Variants in STX8 observed in about 807,000 individuals in gnomAD.
STX8 encodes the protein syntaxin-8.
Under a neutral mutation model 37.5 loss-of-function variants are expected in STX8, and 23 were observed. The ratio of observed to expected loss-of-function variants is 0.61; its 90% CI spans 0.44 to 0.87. STX8 has a LOEUF of 0.87. Ranked by LOEUF, STX8 falls within the 40% of genes least tolerant of loss-of-function variation. STX8 has a pLI of 0.00. For missense variants in STX8, 313 were observed against 284.7 expected (o/e 1.10, Z -0.71); for synonymous variants, 115 against 99.1 (o/e 1.16, Z -0.95).
At chr17:9,297,931 G>A (rs748088471) in intron 7 of STX8, among the ~76,000 whole-genome samples, 11 of 152,110 alleles carry the variant, frequency 7.2e-5, no homozygotes, top group Middle Eastern at 3.2e-3. Flanking sequence ...TATCTTAAGC[G>A]GTGTTCCTAT....
intron 7 of STX8, among the ~76,000 whole-genome samples, chr17:9,282,893 T>C (rs948385919): frequency 7.6e-6 from 1 of 131,776 alleles, no homozygotes; most frequent in Non-Finnish European, 1.6e-5. Context: ...AGTCACTTTA[T>C]GGAGATGAAT....
chr17:9,258,622 C>G (rs1906889303), intron 7 of STX8, among the ~76,000 whole-genome samples: 1 of 152,242 alleles, frequency 6.6e-6, no homozygotes, highest in Non-Finnish European at 1.5e-5. Flanking sequence ...CCCCACAGTT[C>G]TACATTTTAA....
At chr17:9,268,844 C>T (rs377539414) in intron 7 of STX8, among the ~76,000 whole-genome samples, 7 of 152,072 alleles carry the variant, frequency 4.6e-5, no homozygotes, top group South Asian at 2.1e-4. Context: ...ACATGGTTGG[C>T]GTAAAAGCTG....
At chr17:9,321,180 G>A (rs1249253133) in intron 7 of STX8, among the ~76,000 whole-genome samples, 5 of 152,130 alleles carry the variant, frequency 3.3e-5, no homozygotes, top group African/African-American at 4.8e-5. Context: ...TATGTAGAGC[G>A]TATGAATGAA....
intron 4 of STX8, among the ~76,000 whole-genome samples, chr17:9,542,228 C>A (rs1490906498): frequency 6.6e-6 from 1 of 151,864 alleles, no homozygotes; most frequent in South Asian, 2.1e-4. Flanking sequence ...CGTGGTAGTG[C>A]GTGCCTGTGA....
intron 5 of STX8, among the ~76,000 whole-genome samples, chr17:9,494,591 G>A (rs914361590): frequency 1.5e-5 from 2 of 134,684 alleles, no homozygotes; most frequent in African/African-American, 5.7e-5. Flanking sequence ...ACTCCAGCCT[G>A]GGTAACAGAG....
chr17:9,432,501 G>GA (rs35936791), intron 6 of STX8, among the ~76,000 whole-genome samples: 6 of 149,714 alleles, frequency 4.0e-5, no homozygotes, highest in Admixed American at 2.0e-4. Context: ...TAAATCGGAA[G>GA]AAAAAAAAAA....
intron 7 of STX8, among the ~76,000 whole-genome samples, chr17:9,260,216 G>A (rs1297044587): frequency 6.6e-6 from 1 of 152,108 alleles, no homozygotes; most frequent in Non-Finnish European, 1.5e-5. Context: ...CCAGCTACTC[G>A]GGAGGCTGTG....
intron 6 of STX8, among the ~76,000 whole-genome samples, chr17:9,425,685 T>C (rs1038085127): frequency 1.3e-5 from 2 of 152,208 alleles, no homozygotes; most frequent in Non-Finnish European, 2.9e-5. Flanking sequence ...TGCAAAATAA[T>C]TGCGGTACAG....
At chr17:9,518,296 T>TA (rs1905215621) in intron 4 of STX8, among the ~76,000 whole-genome samples, 1 of 141,960 alleles carries the variant, frequency 7.0e-6, no homozygotes, top group Non-Finnish European at 1.5e-5. Flanking sequence ...TCCCAGGTCT[T>TA]ACCAGACCCC....
chr17:9,378,892 A>C (rs1911694435), intron 6 of STX8, among the ~76,000 whole-genome samples: 1 of 152,176 alleles, frequency 6.6e-6, no homozygotes, highest in Non-Finnish European at 1.5e-5. Context: ...TGCCACATTC[A>C]GAGGAAAGAA....
chr17:9,449,008 A>G (rs9902579), intron 6 of STX8, among the ~76,000 whole-genome samples: 40,121 of 152,064 alleles, frequency 0.26, 6,884 homozygotes, highest in East Asian at 0.71. Flanking sequence ...CCAAGTGCTG[A>G]CAAGAATAAG....
At chr17:9,251,382 T>C (rs1906571166) in intron 7 of STX8, among the ~76,000 whole-genome samples, 1 of 152,332 alleles carries the variant, frequency 6.6e-6, no homozygotes, top group African/African-American at 2.4e-5. Flanking sequence ...CTGTCTCCCA[T>C]GTTCGCTTGC....
At chr17:9,285,413 T>TAAAAAAAAAAAAA (rs56156370) in intron 7 of STX8, among the ~76,000 whole-genome samples, 1 of 108,486 alleles carries the variant, frequency 9.2e-6, no homozygotes. Flanking sequence ...AAAGTAGTGA[T>TAAAAAAAAAAAAA]AAAAAAAAAA....
intron 7 of STX8, among the ~76,000 whole-genome samples, chr17:9,356,915 G>T (rs1275925554): frequency 6.7e-6 from 1 of 148,500 alleles, no homozygotes; most frequent in Non-Finnish European, 1.5e-5. Flanking sequence ...ACTAATTTCT[G>T]GATTACTGCA....
At chr17:9,557,609 A>G in intron 2 of STX8, 81 bp from the exon 3 acceptor site, 1 of 1,230,598 alleles carries the variant, frequency 8.1e-7, no homozygotes, top group Non-Finnish European at 1.2e-6. Context: ...ACACTACTTC[A>G]CGGGCTATGA....
At chr17:9,297,291 T>C (rs1251615762) in intron 7 of STX8, among the ~76,000 whole-genome samples, 1 of 150,292 alleles carries the variant, frequency 6.7e-6, no homozygotes, top group Non-Finnish European at 1.5e-5. Flanking sequence ...CTGCTCCTAA[T>C]GTGGTTTAGT....
At position 9,426,397 on chromosome 17, in the gene STX8, G is replaced by A. The variant is rs190238077; in HGVS notation, c.542-47744C>T. 5.9e-4 allele frequency among the ~76,000 whole-genome samples: 90 copies of A among 152,154 alleles called. No individual in the cohort carries two copies. In the Middle Eastern group the frequency reaches 0.014, roughly 23 times the overall value. On this transcript the variant is annotated intron_variant, in intron 6 of 7. Transcript: ENST00000306357. The stretch of plus-strand genomic sequence containing the variant: ...CAAAAATTAGCTGGGCGTGGTGGTC[G>A]GCACCTGTGGTCCTAGCTACCTGGG...
intron 7 of STX8, among the ~76,000 whole-genome samples, chr17:9,279,228 T>G (rs907657479): frequency 6.6e-6 from 1 of 152,086 alleles, no homozygotes; most frequent in Admixed American, 6.5e-5. Flanking sequence ...TGGCTAATTT[T>G]GTATTTTTAG....
Sources: allele counts gnomAD v4.1 joint callset (sites outside exome capture counted in the v4.1 genomes callset), GRCh38; gene constraint gnomAD v4.1.1; transcripts MANE v1.5; gene names NCBI Gene and HGNC (gene_info 2026-07-23, HGNC 2026-07-21).